Variants in MXRA7 observed in about 807,000 individuals in gnomAD.
MXRA7 encodes matrix remodeling associated 7, also known as matrix-remodeling-associated protein 7.
Under a neutral mutation model 17.4 loss-of-function variants are expected in MXRA7, and 18 were observed. That is an observed-to-expected ratio of 1.03 (90% confidence interval 0.71 to 1.53). The LOEUF is 1.53. Among genes scored for constraint, MXRA7 ranks in the 40% most tolerant of loss-of-function variants. The pLI, the probability that MXRA7 is intolerant of heterozygous loss-of-function variation, is 0.00. For synonymous variants in MXRA7, 70 were observed against 101.7 expected, an observed-to-expected ratio of 0.69 and a Z score of 1.87; for missense variants, 141 against 209.3, an observed-to-expected ratio of 0.67 and a Z score of 2.01.
chr17:76,695,131 G>C (rs2076519579), intron 1 of MXRA7, among the ~76,000 whole-genome samples: 1 of 152,150 alleles, frequency 6.6e-6, no homozygotes, highest in Non-Finnish European at 1.5e-5. Context: ...TTGCACTCCA[G>C]CCTGGGCAAC....
At position 76,680,872 on chromosome 17, in the gene MXRA7, C is replaced by A. The variant is rs1304508514; in HGVS notation, c.508G>T (p.Glu170Ter). Residue 170 changes from glutamate (E) to a stop codon, truncating the protein, a stop_gained, in exon 4 of 4, where the codon GAA becomes TAA. Coordinates refer to ENST00000449428, the MANE Select transcript of MXRA7 (RefSeq NM_198530.4). LOFTEE classifies it high-confidence loss of function. ...EELEEEQRTE[E>*] Reference sequence around the variant, plus strand: ...GGACGCTAAGGATAACTTCGTTATTCTTCAGTTCTGTAAAGAGAAATGGGG... The same window carrying A: ...GGACGCTAAGGATAACTTCGTTATTATTCAGTTCTGTAAAGAGAAATGGGG... 1 of 1,609,414 alleles carries A rather than the reference C, an allele frequency of 6.2e-7. No homozygotes were observed. The highest frequency in any genetic ancestry group is 2.2e-5 in the East Asian group (1 of 44,834).
At chr17:76,684,791 A>AG in intron 3 of MXRA7, 1 of 187,348 alleles carries the variant, frequency 5.3e-6, no homozygotes, top group Non-Finnish European at 8.6e-6. Flanking sequence ...TGGGGTGTGG[A>AG]GGGGGTGGGG....
chr17:76,710,771 G>T lies in MXRA7; in HGVS notation c.176C>A (p.Pro59His), dbSNP rs970130166. ...CGAGGCCGCCGGCTCGGGGGCGCAG[G>T]GGCGGGACGGCGCCGGGGCCCCGGT... The part of the protein sequence containing the change: ...EATGAPAPSR[P>H]CAPEPAASPA... Residue 59 changes from proline to histidine, a missense_variant, in exon 1 of 4, where the codon CCC becomes CAC. By Grantham distance (77) the Pro-to-His change is moderately conservative. This residue lies in a region of MXRA7 where 72 missense variants were observed against 111.9 expected (regional missense o/e 0.64). Coordinates refer to ENST00000449428, the MANE Select transcript of MXRA7 (RefSeq NM_198530.4). The T allele has an allele frequency of 1.4e-5, 14 of 1,029,402 alleles. 1 individual carries two copies. Among genetic ancestry groups the T allele is most frequent in the Middle Eastern group, 4.1e-4 (1 of 2,434 alleles). The allele number at this position is 1,029,402 out of a possible 1,614,324, so 63.8% of individuals were successfully genotyped here. A position where few individuals can be genotyped will look rare whatever the true frequency, so the allele number is the denominator to read the frequency against.
chr17:76,696,561 C>T (rs541131631), intron 1 of MXRA7, among the ~76,000 whole-genome samples: 5 of 151,688 alleles, frequency 3.3e-5, no homozygotes, highest in East Asian at 3.9e-4. Flanking sequence ...GGTGTCAATA[C>T]AAATTTTTTA....
At chr17:76,689,683 A>G (rs2076455755) in intron 1 of MXRA7, 1 of 152,174 alleles carries the variant, frequency 6.6e-6, no homozygotes. Flanking sequence ...GGATTTTTAT[A>G]TAATGACTCT....
At chr17:76,702,596 T>G (rs928754575) in intron 1 of MXRA7, among the ~76,000 whole-genome samples, 1 of 152,314 alleles carries the variant, frequency 6.6e-6, no homozygotes, top group Admixed American at 6.5e-5. Flanking sequence ...ATGCCTGTAA[T>G]CCCAGTACTT....
At chr17:76,702,999 C>T (rs2076613366) in intron 1 of MXRA7, among the ~76,000 whole-genome samples, 1 of 151,126 alleles carries the variant, frequency 6.6e-6, no homozygotes, top group East Asian at 1.9e-4. Context: ...GGGCTGGGGG[C>T]ATTTTCTTCT....
chr17:76,678,017 G>T (rs2076255488), downstream of MXRA7, among the ~76,000 whole-genome samples: 1 of 152,130 alleles, frequency 6.6e-6, no homozygotes, highest in Non-Finnish European at 1.5e-5. Context: ...ATTGTTGACT[G>T]CATGTCCCAC....
intron 3 of MXRA7, chr17:76,684,598 C>T (rs936628501): frequency 6.9e-5 from 26 of 377,342 alleles, no homozygotes; most frequent in African/African-American, 3.0e-4. Context: ...CTGCACTGCC[C>T]GGAGCTACAA....
At chr17:76,694,584 A>T (rs1253905368) in intron 1 of MXRA7, among the ~76,000 whole-genome samples, 1 of 151,836 alleles carries the variant, frequency 6.6e-6, no homozygotes, top group Non-Finnish European at 1.5e-5. Context: ...ATGAATTCCA[A>T]TTATTATTAT....
At chr17:76,696,641 A>G (rs2076535517) in intron 1 of MXRA7, among the ~76,000 whole-genome samples, 1 of 152,178 alleles carries the variant, frequency 6.6e-6, no homozygotes, top group Non-Finnish European at 1.5e-5. Flanking sequence ...GAGGATTGCA[A>G]TGGGGCAAGA....
intron 2 of MXRA7, among the ~76,000 whole-genome samples, chr17:76,687,478 C>T (rs1325726160): frequency 3.3e-5 from 5 of 152,264 alleles, no homozygotes; most frequent in African/African-American, 1.2e-4. Context: ...AGCCAACAAA[C>T]GCTGACATCT....
intron 1 of MXRA7, among the ~76,000 whole-genome samples, chr17:76,695,181 T>A: frequency 6.6e-6 from 1 of 151,824 alleles, no homozygotes; most frequent in East Asian, 1.9e-4. Context: ...CAAAACAAAA[T>A]AAAACAATAA....
chr17:76,677,527 G>T, downstream of MXRA7: 1 of 1,175,040 alleles, frequency 8.5e-7, no homozygotes, highest in Non-Finnish European at 1.3e-6. Flanking sequence ...AAAGAACAAG[G>T]GCATGGGGCA....
chr17:76,700,472 G>A (rs541514145), intron 1 of MXRA7, among the ~76,000 whole-genome samples: 64 of 152,334 alleles, frequency 4.2e-4, no homozygotes, highest in Non-Finnish European at 7.9e-4. Flanking sequence ...GGCAAGAACT[G>A]CAGGCGGCTG....
At chr17:76,675,399 T>G (rs1436918375), downstream of MXRA7, 3 of 137,396 alleles carry the variant, frequency 2.2e-5, no homozygotes, top group Middle Eastern at 3.2e-3. Context: ...TTTTTTTTTT[T>G]TTTTTTTTTT....
At chr17:76,680,951 G>T in intron 3 of MXRA7, 72 bp from the exon 4 acceptor site, 1 of 1,213,762 alleles carries the variant, frequency 8.2e-7, no homozygotes, top group South Asian at 1.3e-5. Context: ...GCAAGGAAAG[G>T]GGGAAATGGG....
intron 1 of MXRA7, chr17:76,688,798 G>T: frequency 2.9e-6 from 2 of 692,418 alleles, no homozygotes; most frequent in Non-Finnish European, 4.0e-6. Context: ...AGAGCGACGT[G>T]CCGTGCCCAT....
intron 1 of MXRA7, among the ~76,000 whole-genome samples, chr17:76,707,709 T>C (rs1292699704): frequency 6.6e-6 from 1 of 152,174 alleles, no homozygotes; most frequent in East Asian, 1.9e-4. Context: ...CCTTGACGCT[T>C]TGCCAATTAC....
Sources: gnomAD v4.1 joint callset for allele counts (sites outside exome capture counted in the v4.1 genomes callset) on GRCh38, gnomAD v4.1.1 for gene constraint, gnomAD v4.1.1 regional missense constraint, MANE v1.5 for transcripts, NCBI Gene and HGNC (gene_info 2026-07-23, HGNC 2026-07-21) for gene names.